The following CDK13 variants were observed in gnomAD, a reference collection of about 807,000 sequenced individuals.
The protein encoded by CDK13 is cyclin-dependent kinase 13.
In CDK13, 40 loss-of-function variants were observed where a neutral mutation model predicts 137.6. The observed-to-expected ratio is 0.29, with a 90% CI of 0.23 to 0.38. CDK13 has a LOEUF of 0.38. Ranked by LOEUF, CDK13 falls within the 10% of genes least tolerant of loss-of-function variation. The pLI is 1.00. For missense variants in CDK13, 1,704 were observed against 1,951.8 expected, an observed-to-expected ratio of 0.87 and a Z score of 2.39; for synonymous variants, 869 against 760.1, an observed-to-expected ratio of 1.14 and a Z score of -2.36.
At chr7:40,007,756 T>C (rs887140990) in intron 5 of CDK13, among the ~76,000 whole-genome samples, 16 of 152,212 alleles carry the variant, frequency 1.1e-4, no homozygotes, top group Non-Finnish European at 1.6e-4. Context: ...TAACTTGTCA[T>C]GTTTTCATAT....
chr7:40,047,512 G>C (rs1438638423), intron 6 of CDK13, among the ~76,000 whole-genome samples: 1 of 151,914 alleles, frequency 6.6e-6, no homozygotes, highest in Non-Finnish European at 1.5e-5. Flanking sequence ...TATTTTCATT[G>C]AAGTATGCTT....
At chr7:40,034,249 G>T (rs1314780515) in intron 5 of CDK13, among the ~76,000 whole-genome samples, 4 of 152,132 alleles carry the variant, frequency 2.6e-5, no homozygotes, top group African/African-American at 9.7e-5. Flanking sequence ...TTCTGCAGTT[G>T]TAAGTTGTGG....
chr7:40,094,418 G>T lies in CDK13; in HGVS notation c.3977G>T (p.Gly1326Val), dbSNP rs1562770892. 1 of 1,613,996 alleles carries T rather than the reference G, an allele frequency of 6.2e-7. No individual in the cohort carries two copies. The highest frequency in any genetic ancestry group is 8.5e-7 in the Non-Finnish European group (1 of 1,180,014). ...GAAGGTGGGATTGATTATCAAGCAG[G>T]AGACACTTACGTGTCCACTTCAGAC... ...KREGGIDYQA[G>V]DTYVSTSDYK... The change falls in exon 14 of 14, where the codon GGA (glycine) becomes GTA (valine). Residue 1326 changes from glycine to valine, a missense_variant. This residue lies in a region of CDK13 where 475 missense variants were observed against 579.3 expected (regional missense o/e 0.82). Transcript: ENST00000181839.
At chr7:40,003,475 A>T (rs1282424992) in intron 5 of CDK13, among the ~76,000 whole-genome samples, 1 of 152,110 alleles carries the variant, frequency 6.6e-6, no homozygotes, top group Non-Finnish European at 1.5e-5. Flanking sequence ...GACTTAAATT[A>T]GAATGTCTGG....
At chr7:40,080,950 C>A (rs1211428971) in intron 11 of CDK13, among the ~76,000 whole-genome samples, 1 of 152,106 alleles carries the variant, frequency 6.6e-6, no homozygotes, top group African/African-American at 2.4e-5. Context: ...ATTTAATGGT[C>A]AATCCACATT....
intron 1 of CDK13, among the ~76,000 whole-genome samples, chr7:39,974,894 A>G (rs901907368): frequency 5.3e-5 from 8 of 152,172 alleles, no homozygotes; most frequent in Non-Finnish European, 1.2e-4. Flanking sequence ...TCCTTGACTA[A>G]TTACAATGGC....
At chr7:40,069,362 G>A (rs1184532798) in intron 9 of CDK13, 3 of 454,224 alleles carry the variant, frequency 6.6e-6, no homozygotes, top group South Asian at 3.1e-5. Context: ...ATGAGGCAAC[G>A]GAGTATACCG....
chr7:40,026,806 A>T (rs185243022), intron 5 of CDK13, among the ~76,000 whole-genome samples: 31 of 152,340 alleles, frequency 2.0e-4, no homozygotes, highest in African/African-American at 7.2e-4. Context: ...TCCGAATAAT[A>T]AAATACTGTG....
rs777084773 is a variant in CDK13 at position 40,096,186 on chromosome 7, A to G, written c.*1206A>G. 2.0e-5 allele frequency: 3 copies of G among 152,140 alleles called. No homozygotes were observed. The highest frequency in any genetic ancestry group is 4.4e-5 in the Non-Finnish European group (3 of 68,018). The allele number at this position is 152,140 out of a possible 1,614,324, so 9.4% of individuals were successfully genotyped here. A position where few individuals can be genotyped will look rare whatever the true frequency, so the allele number is the denominator to read the frequency against. On this transcript the variant is annotated 3_prime_UTR_variant, in exon 14 of 14. Transcript: ENST00000181839. ...TGCAATTGCCCTTTTAAGAAAGTCA[A>G]TTCTATTCACTTGTTAACTAGAAAC...
chr7:39,979,952 G>A (rs1292564942), intron 1 of CDK13, among the ~76,000 whole-genome samples: 1 of 152,106 alleles, frequency 6.6e-6, no homozygotes, highest in Non-Finnish European at 1.5e-5. Flanking sequence ...AAAAGGCAAG[G>A]GAACATTTTC....
chr7:40,047,091 C>CTAT (rs1785761077), intron 6 of CDK13, among the ~76,000 whole-genome samples: 1 of 150,166 alleles, frequency 6.7e-6, no homozygotes, highest in African/African-American at 2.4e-5. Flanking sequence ...TTTCTGTTTG[C>CTAT]TATTATTCCA....
At chr7:40,080,961 C>G (rs1377866799) in intron 11 of CDK13, among the ~76,000 whole-genome samples, 1 of 151,374 alleles carries the variant, frequency 6.6e-6, no homozygotes, top group Non-Finnish European at 1.5e-5. Context: ...AATCCACATT[C>G]AGATTTCCCC....
At chr7:40,093,513 G>A (rs1292804930) in intron 13 of CDK13, among the ~76,000 whole-genome samples, 2 of 152,168 alleles carry the variant, frequency 1.3e-5, no homozygotes, top group Admixed American at 1.3e-4. Flanking sequence ...AAATACGAAA[G>A]GATGCTTGAC....
chr7:40,024,351 A>C (rs1307960675), intron 5 of CDK13, among the ~76,000 whole-genome samples: 2 of 152,230 alleles, frequency 1.3e-5, no homozygotes, highest in Non-Finnish European at 2.9e-5. Flanking sequence ...AAGAGTAATC[A>C]GTAGATGCCA....
chr7:40,036,496 T>A (rs1785486435), intron 5 of CDK13, among the ~76,000 whole-genome samples: 1 of 152,088 alleles, frequency 6.6e-6, no homozygotes, highest in African/African-American at 2.4e-5. Context: ...TGCCTGAACC[T>A]GGGAGGTGGA....
chr7:39,955,494 C>T (rs1787379384), intron 1 of CDK13, among the ~76,000 whole-genome samples: 1 of 152,126 alleles, frequency 6.6e-6, no homozygotes, highest in Admixed American at 6.6e-5. Context: ...CCACTTAAAG[C>T]ATATGCTTTA....
chr7:39,964,974 C>T (rs2116154892), intron 1 of CDK13, among the ~76,000 whole-genome samples: 1 of 152,278 alleles, frequency 6.6e-6, no homozygotes, highest in East Asian at 1.9e-4. Flanking sequence ...TTTGATTGCA[C>T]TGTGGTCTGA....
chr7:39,961,338 C>G (rs1374897042), intron 1 of CDK13, among the ~76,000 whole-genome samples: 3 of 152,152 alleles, frequency 2.0e-5, no homozygotes, highest in African/African-American at 7.2e-5. Context: ...CCAGCCTGGG[C>G]ACAAAGCAAG....
intron 13 of CDK13, among the ~76,000 whole-genome samples, 168 bp downstream of exon 13, chr7:40,093,405 G>T (rs1786971063): frequency 6.6e-6 from 1 of 152,104 alleles, no homozygotes; most frequent in Non-Finnish European, 1.5e-5. Context: ...TTCCAGGAAT[G>T]GATTCTTTAA....
Sources: allele counts gnomAD v4.1 joint callset (sites outside exome capture counted in the v4.1 genomes callset), GRCh38; gene constraint gnomAD v4.1.1; regional missense constraint gnomAD v4.1.1; transcripts MANE v1.5; gene names NCBI Gene and HGNC (gene_info 2026-07-23, HGNC 2026-07-21).